STK3: variants seen among roughly 807,000 people sequenced by gnomAD.
The protein encoded by STK3 is serine/threonine-protein kinase 3.
Under a neutral mutation model 58.0 loss-of-function variants are expected in STK3, and 41 were observed. The ratio of observed to expected loss-of-function variants is 0.71; its 90% CI spans 0.55 to 0.92. STK3 has a LOEUF of 0.92. Ranked by LOEUF, STK3 falls within the 40% of genes least tolerant of loss-of-function variation. The pLI is 0.00. For synonymous variants in STK3, 170 were observed against 191.0 expected, an observed-to-expected ratio of 0.89 and a Z score of 0.91; for missense variants, 479 against 602.7, an observed-to-expected ratio of 0.79 and a Z score of 2.15.
intron 3 of STK3, chr8:98,412,733 T>C (rs1818070465): frequency 6.5e-6 from 1 of 153,408 alleles, no homozygotes; most frequent in South Asian, 2.0e-4. Context: ...ATAAATGCTT[T>C]ACTTTTTTAA....
intron 3 of STK3, among the ~76,000 whole-genome samples, chr8:98,847,727 G>A (rs1042316618): frequency 6.6e-6 from 1 of 151,320 alleles, no homozygotes; most frequent in African/African-American, 2.4e-5. Flanking sequence ...GTTTTTTTTT[G>A]TTTGTTTGTT....
chr8:98,834,643 GT>G (rs1835681974), intron 3 of STK3, among the ~76,000 whole-genome samples: 1 of 152,166 alleles, frequency 6.6e-6, no homozygotes, highest in Non-Finnish European at 1.5e-5. Flanking sequence ...ATTTTCCCCC[GT>G]GTCTTCACAT....
At chr8:98,798,043 A>G (rs547788506) in intron 1 of STK3, among the ~76,000 whole-genome samples, 2 of 152,358 alleles carry the variant, frequency 1.3e-5, no homozygotes, top group African/African-American at 4.8e-5. Context: ...ATTGTGCCTT[A>G]GAAATCAAAG....
chr8:98,662,915 C>T (rs943379546), intron 6 of STK3, among the ~76,000 whole-genome samples: 1 of 151,688 alleles, frequency 6.6e-6, no homozygotes, highest in African/African-American at 2.4e-5. Context: ...AGACCTAAAA[C>T]CATAAAAACC....
intron 3 of STK3, among the ~76,000 whole-genome samples, chr8:98,755,462 A>C (rs181144193): frequency 6.6e-6 from 1 of 152,364 alleles, no homozygotes; most frequent in Admixed American, 6.5e-5. Flanking sequence ...CTCCTAGTTC[A>C]TATGAAGGAA....
chr8:98,861,339 T>C (rs999132005), intron 3 of STK3, among the ~76,000 whole-genome samples: 1 of 150,822 alleles, frequency 6.6e-6, no homozygotes, highest in Non-Finnish European at 1.5e-5. Flanking sequence ...GCTTTGTTTC[T>C]TTGGATTTTT....
At chr8:98,585,691 T>C (rs1214161064) in intron 7 of STK3, among the ~76,000 whole-genome samples, 4 of 151,954 alleles carry the variant, frequency 2.6e-5, no homozygotes, top group Non-Finnish European at 5.9e-5. Flanking sequence ...TTGGGCAGTA[T>C]GGCCTTTTTC....
intron 3 of STK3, among the ~76,000 whole-genome samples, chr8:98,858,349 G>C (rs921383906): frequency 2.2e-5 from 3 of 136,810 alleles, no homozygotes; most frequent in Admixed American, 7.5e-5. Context: ...GAGAGAGAGA[G>C]AGAGAGAGAG....
downstream of STK3, among the ~76,000 whole-genome samples, chr8:98,397,979 A>T (rs184708289): frequency 6.9e-4 from 105 of 152,244 alleles, no homozygotes; most frequent in African/African-American, 2.5e-3. Flanking sequence ...TTCTTCATAA[A>T]TAACCCAGTC....
Position 98,869,794 on chromosome 8 carries a change from G to C in STK3, c.110+13853C>G, listed in dbSNP as rs544766076. Reference sequence around the variant, plus strand: ...AGAAATAAATATCATTGTCTTTGAAGAAGATTTTCTTTTTTTTTTCTTTGC... The same window carrying C: ...AGAAATAAATATCATTGTCTTTGAACAAGATTTTCTTTTTTTTTTCTTTGC... On this transcript the variant is annotated intron_variant, in intron 3 of 12. Transcript: ENST00000523601. Among the ~76,000 whole-genome samples, 5 of 69,764 alleles carry C rather than the reference G, an allele frequency of 7.2e-5. No homozygotes were observed. In the South Asian group the frequency reaches 3.4e-3, roughly 47 times the overall value. The allele number at this position is 69,764 out of a possible 152,430, so 45.8% of individuals were successfully genotyped here.
chr8:98,422,088 G>C (rs1207940448), intron 3 of STK3, among the ~76,000 whole-genome samples: 3 of 152,178 alleles, frequency 2.0e-5, no homozygotes, highest in Admixed American at 6.5e-5. Context: ...CACAGGGATG[G>C]AAGGGCTGTA....
At chr8:98,569,770 TAATC>T (rs1447805514) in intron 8 of STK3, among the ~76,000 whole-genome samples, 3 of 151,836 alleles carry the variant, frequency 2.0e-5, no homozygotes, top group African/African-American at 4.8e-5. Flanking sequence ...ACATAACAAG[TAATC>T]AATTCTTTTA....
intron 7 of STK3, among the ~76,000 whole-genome samples, chr8:98,587,627 A>G (rs1814771022): frequency 6.6e-6 from 1 of 151,978 alleles, no homozygotes; most frequent in Non-Finnish European, 1.5e-5. Context: ...CTTGGTGCAG[A>G]GCTGAGTTCA....
At chr8:98,549,757 A>G (rs1389493924) in intron 8 of STK3, among the ~76,000 whole-genome samples, 1 of 152,200 alleles carries the variant, frequency 6.6e-6, no homozygotes, top group East Asian at 1.9e-4. Context: ...TTGAAAGACC[A>G]ACTGATAATC....
chr8:98,551,341 A>G (rs1033491178), intron 8 of STK3, among the ~76,000 whole-genome samples: 9 of 152,200 alleles, frequency 5.9e-5, no homozygotes, highest in African/African-American at 2.2e-4. Context: ...TAAGTACCCT[A>G]TGGACAAGAA....
rs561002434 is a variant in STK3 at position 98,506,872 on chromosome 8, C to G, written c.1317+19870G>C. Among the ~76,000 whole-genome samples the G allele has an allele frequency of 2.6e-5, 4 of 152,250 alleles. No individual in the cohort carries two copies. In the East Asian group the frequency reaches 5.8e-4, roughly 22 times the overall value. On this transcript the variant is annotated intron_variant, in intron 10 of 10. Coordinates refer to ENST00000419617, the MANE Select transcript of STK3 (RefSeq NM_006281.4). ...CTCATAACACTTAGTTCAAATTTCC[C>G]CAGAGAAGGTGTGGCCCTGCTACAA...
intron 1 of STK3, among the ~76,000 whole-genome samples, chr8:98,924,666 C>T (rs1410633398): frequency 6.6e-6 from 1 of 152,122 alleles, no homozygotes; most frequent in Non-Finnish European, 1.5e-5. Flanking sequence ...TAAGTCATAC[C>T]ACATAGGCAA....
intron 3 of STK3, among the ~76,000 whole-genome samples, chr8:98,408,628 G>A (rs1462253773): frequency 6.6e-6 from 1 of 152,154 alleles, no homozygotes; most frequent in African/African-American, 2.4e-5. Context: ...GAGAGTTTAG[G>A]CAATCATTTG....
At chr8:98,562,114 C>T (rs1812085632) in intron 8 of STK3, among the ~76,000 whole-genome samples, 1 of 152,140 alleles carries the variant, frequency 6.6e-6, no homozygotes, top group Non-Finnish European at 1.5e-5. Flanking sequence ...CAGTTTCTTA[C>T]TAAGCTGAAC....
Sources: gnomAD v4.1 joint callset for allele counts (sites outside exome capture counted in the v4.1 genomes callset) on GRCh38, gnomAD v4.1.1 for gene constraint, MANE v1.5 for transcripts, NCBI Gene and HGNC (gene_info 2026-07-23, HGNC 2026-07-21) for gene names.